MYH7B: variants seen among roughly 807,000 people sequenced by gnomAD.
The protein encoded by MYH7B is myosin-7B.
A neutral mutation model predicts 234.5 loss-of-function variants in MYH7B; 205 were observed. That is an observed-to-expected ratio of 0.87 (90% CI 0.78 to 0.98). MYH7B has a LOEUF of 0.98. Ranked by LOEUF, MYH7B falls within the 50% of genes least tolerant of loss-of-function variation. MYH7B has a pLI of 0.00. For missense variants in MYH7B, 2,652 were observed against 2,633.4 expected (o/e 1.01, Z -0.15); for synonymous variants, 1,193 against 1,105.0 (o/e 1.08, Z -1.58).
intron 2 of MYH7B, among the ~76,000 whole-genome samples, chr20:34,967,853 T>C (rs1483539638): frequency 6.6e-6 from 1 of 152,160 alleles, no homozygotes; most frequent in Non-Finnish European, 1.5e-5. Flanking sequence ...GCCTCAGCTT[T>C]GGTCCAGGAT....
intron 19 of MYH7B, 37 bp downstream of exon 19, chr20:34,988,299 G>C: frequency 6.3e-7 from 1 of 1,589,472 alleles, no homozygotes; most frequent in African/African-American, 1.3e-5. Context: ...AGGAAGGGAG[G>C]GTGTGTGTGG....
chr20:34,982,354 TG>T (rs1210671599), intron 9 of MYH7B, 104 bp from the exon 10 acceptor site: 3 of 860,530 alleles, frequency 3.5e-6, no homozygotes, highest in Middle Eastern at 2.2e-4. Context: ...GGTTTCAAGC[TG>T]GGGGGAAGGA....
chr20:34,990,777 C>A (rs185297335), exon 23 of MYH7B: 22 of 1,614,218 alleles, frequency 1.4e-5, no homozygotes, highest in Non-Finnish European at 1.9e-5. Flanking sequence ...GCGGGCCACA[C>A]AGCCCCACTT....
chr20:34,977,515 C>A, intron 3 of MYH7B, 117 bp from the exon 4 acceptor site: 1 of 917,110 alleles, frequency 1.1e-6, no homozygotes, highest in Non-Finnish European at 1.7e-6. Context: ...AAAAATAGCC[C>A]AGGGGCCGTG....
chr20:34,981,390 C>G (rs956172078), intron 9 of MYH7B: 3 of 322,608 alleles, frequency 9.3e-6, no homozygotes, highest in African/African-American at 2.2e-5. Flanking sequence ...AAAGATTCCT[C>G]TGCTTTTCCT....
chr20:34,980,099 G>C (rs1003968704), intron 7 of MYH7B: 1 of 471,704 alleles, frequency 2.1e-6, no homozygotes, highest in African/African-American at 2.0e-5. Context: ...GTGTGGGCTG[G>C]GGCAGGGCTG....
In MYH7B at chr20:34,975,906, C is replaced by T. The variant is rs149212535; in HGVS notation, c.-122+407C>T. ...AATTTTTTTGTATTTTTACTAGAGA[C>T]GGGGTTTCACTGTGTTAGCCAGGAT... On this transcript the variant is annotated intron_variant, in intron 3 of 44. Coordinates refer to ENST00000262873, the Ensembl canonical transcript of MYH7B. 1.8e-3 allele frequency among the ~76,000 whole-genome samples: 269 copies of T among 152,082 alleles called. 4 individuals are homozygous for T. In the East Asian group the frequency reaches 0.021, roughly 12 times the overall value.
At chr20:35,000,335 G>A in exon 39 of MYH7B, 1 of 1,596,144 alleles carries the variant, frequency 6.3e-7, no homozygotes, top group South Asian at 1.1e-5. Context: ...AGGCCTCCCT[G>A]GATGCAGAGA....
At chr20:34,980,830 C>T (rs1265013305) in intron 8 of MYH7B, 96 bp downstream of exon 8, 25 of 1,541,524 alleles carry the variant, frequency 1.6e-5, no homozygotes, top group Non-Finnish European at 2.2e-5. Context: ...GCACTGCCCC[C>T]CTTTTGACGC....
intron 2 of MYH7B, among the ~76,000 whole-genome samples, chr20:34,971,686 C>T (rs995760697): frequency 6.6e-6 from 1 of 152,244 alleles, no homozygotes; most frequent in African/African-American, 2.4e-5. Flanking sequence ...CTTCCTGCCA[C>T]CGGCCTCACC....
At chr20:34,989,648 C>A (rs1460850621) in intron 19 of MYH7B, 92 bp from the exon 20 acceptor site, 1 of 1,314,892 alleles carries the variant, frequency 7.6e-7, no homozygotes, top group Middle Eastern at 2.7e-4. Context: ...TGGGAAGGCT[C>A]CCAGAAGGGA....
chr20:34,998,973 C>T (rs1298387930), intron 35 of MYH7B, 58 bp downstream of exon 35: 3 of 1,585,326 alleles, frequency 1.9e-6, no homozygotes, highest in East Asian at 4.5e-5. Context: ...GTGCCTGAGC[C>T]CCGCTGAGGG....
intron 2 of MYH7B, among the ~76,000 whole-genome samples, chr20:34,971,196 C>T (rs972550488): frequency 2.6e-5 from 4 of 152,188 alleles, no homozygotes; most frequent in Non-Finnish European, 4.4e-5. Context: ...AAGGACCTGC[C>T]TCTCTCTTTG....
exon 10 of MYH7B, chr20:34,982,539 G>A (rs2081956112): frequency 6.2e-7 from 1 of 1,607,796 alleles, no homozygotes; most frequent in Admixed American, 1.7e-5. Flanking sequence ...CTGGGAGACG[G>A]GCCGGGCAAG....
At position 34,989,927 on chromosome 20, in the gene MYH7B, C is replaced by T; in HGVS notation, c.1767+8C>T. The stretch of plus-strand genomic sequence containing the variant: ...GTCCACTACGCAGGCGTGGTAGGTG[C>T]TTGCTGGAACCCCAGCCCTCGGCCA... On this transcript the variant is annotated splice_region_variant and intron_variant, in intron 20 of 44. Transcript: ENST00000262873. The T allele has an allele frequency of 1.2e-6, 2 of 1,613,376 alleles. No individual in the cohort carries two copies. The highest frequency in any genetic ancestry group is 1.7e-6 in the Non-Finnish European group (2 of 1,179,492).
At chr20:34,974,620 AG>A (rs1243947600) in intron 2 of MYH7B, among the ~76,000 whole-genome samples, 1 of 152,164 alleles carries the variant, frequency 6.6e-6, no homozygotes, top group East Asian at 1.9e-4. Flanking sequence ...TAGACTTGCT[AG>A]AGGTTCTGAT....
chr20:34,996,990 C>A, intron 30 of MYH7B, 93 bp from the exon 31 acceptor site: 1 of 1,401,434 alleles, frequency 7.1e-7, no homozygotes, highest in Non-Finnish European at 9.7e-7. Context: ...TGAGGTCCCT[C>A]AGGGCCTGAA....
At chr20:34,999,761 C>CCCT (rs1491488831) in intron 37 of MYH7B, 30 bp from the exon 38 acceptor site, 1 of 985,680 alleles carries the variant, frequency 1.0e-6, no homozygotes. Flanking sequence ...CCCCCCCCCC[C>CCCT]ACCCTACCCT....
Position 34,980,721 on chromosome 20 carries a change from C to T in MYH7B, c.486C>T (p.Asn162=), listed in dbSNP as rs781169401. 2.5e-6 allele frequency: 4 copies of T among 1,614,084 alleles called. No individual in the cohort carries two copies. In the South Asian group the frequency reaches 3.3e-5, roughly 13 times the overall value. ...ATGCGGTGGCGGACAACGCCTACAA[C>T]GACATGCTGCGCAGTAAGGGCCGCC... The change falls in exon 8 of 45, where the codon AAC becomes AAT. Residue 162 remains asparagine, a synonymous_variant. Coordinates refer to ENST00000262873, the Ensembl canonical transcript of MYH7B.
Sources: allele counts gnomAD v4.1 joint callset (sites outside exome capture counted in the v4.1 genomes callset), GRCh38; gene constraint gnomAD v4.1.1; transcripts MANE v1.5; gene names NCBI Gene and HGNC (gene_info 2026-07-23, HGNC 2026-07-21).